The following TENM3 variants were observed in gnomAD, a reference collection of about 807,000 sequenced individuals.
TENM3 encodes teneurin-3.
TENM3 carries 63 observed loss-of-function variants against 255.1 expected under a neutral mutation model. The ratio of observed to expected loss-of-function variants is 0.25; its 90% CI spans 0.20 to 0.30. The LOEUF is 0.30. Ranked by LOEUF, TENM3 falls within the 10% of genes least tolerant of loss-of-function variation. The pLI is 1.00. For missense variants in TENM3, 2,929 were observed against 3,461.1 expected (o/e 0.85, Z 3.86); for synonymous variants, 1,306 against 1,322.3 (o/e 0.99, Z 0.27).
chr4:181,602,077 A>T, the TENM3 span, among the ~76,000 whole-genome samples: 1 of 152,294 alleles, frequency 6.6e-6, no homozygotes, highest in South Asian at 2.1e-4. Flanking sequence ...CCAGTGGACA[A>T]ATCTTTTGGA....
chr4:181,577,001 T>TAA, the TENM3 span, among the ~76,000 whole-genome samples: 1 of 131,146 alleles, frequency 7.6e-6, no homozygotes, highest in Non-Finnish European at 1.6e-5. Flanking sequence ...ATTATATATA[T>TAA]AATATATATA....
At chr4:182,485,029 A>G (rs28524745) in intron 3 of TENM3, among the ~76,000 whole-genome samples, 1,595 of 152,238 alleles carry the variant, frequency 0.01, 26 homozygotes, top group African/African-American at 0.037. Context: ...TAGTTTATTA[A>G]TAATTCAAAA....
At chr4:181,467,149 A>G in the TENM3 span, among the ~76,000 whole-genome samples, 57,118 of 81,250 alleles carry the variant, frequency 0.7, 19,377 homozygotes, top group Non-Finnish European at 0.73. Flanking sequence ...TTTTTTTTTT[A>G]GGCAGAGTCT....
rs1770662004 is a variant in TENM3, at chr4:182,419,692, GA to G, written c.511+72768del. Among the ~76,000 whole-genome samples, 4 of 152,244 alleles carry G rather than the reference GA, an allele frequency of 2.6e-5. No homozygotes were observed. In the South Asian group the frequency reaches 8.3e-4, roughly 32 times the overall value. On this transcript the variant is annotated intron_variant, in intron 3 of 27. Coordinates refer to ENST00000511685, the MANE Select transcript of TENM3 (RefSeq NM_001080477.4). ...ACACCATGGAATACTATGTAGCCAT[GA>G]AAAAGAATGAGTTCTTGTCCTTTGT...
intron 1 of TENM3, among the ~76,000 whole-genome samples, chr4:182,255,100 C>A (rs1579913789): frequency 6.6e-6 from 1 of 152,136 alleles, no homozygotes; most frequent in South Asian, 2.1e-4. Flanking sequence ...CCTAAATTTT[C>A]AGGAGTTGTA....
the TENM3 span, among the ~76,000 whole-genome samples, chr4:182,081,286 G>A: frequency 2.0e-5 from 3 of 151,960 alleles, no homozygotes; most frequent in South Asian, 2.1e-4. Context: ...TTCAAAGAAG[G>A]ATGTCTCAGG....
chr4:181,464,793 A>T, the TENM3 span, among the ~76,000 whole-genome samples: 1 of 152,144 alleles, frequency 6.6e-6, no homozygotes, highest in Non-Finnish European at 1.5e-5. Flanking sequence ...TCTACAAAAA[A>T]TACAAAAATT....
the TENM3 span, among the ~76,000 whole-genome samples, chr4:181,461,909 T>C: frequency 1.3e-5 from 2 of 150,282 alleles, no homozygotes; most frequent in Non-Finnish European, 3.0e-5. Context: ...CTTCTTGGTA[T>C]GCCTAGTAAT....
At chr4:182,764,557 A>C (rs1237038512) in intron 22 of TENM3, among the ~76,000 whole-genome samples, 1 of 152,200 alleles carries the variant, frequency 6.6e-6, no homozygotes, top group African/African-American at 2.4e-5. Context: ...TCAGTGTTGC[A>C]AGTTGTGAAT....
At chr4:182,142,737 C>G (rs988736161), upstream of TENM3, 1 of 164,708 alleles carries the variant, frequency 6.1e-6, no homozygotes, top group Non-Finnish European at 1.5e-5. Flanking sequence ...TAGCCCTCCA[C>G]GGGCAGACTG....
At chr4:181,896,975 C>A in the TENM3 span, among the ~76,000 whole-genome samples, 1 of 152,194 alleles carries the variant, frequency 6.6e-6, no homozygotes, top group Admixed American at 6.5e-5. Context: ...CTTTCAGAAA[C>A]TGAAATTCTA....
At chr4:181,671,543 G>A in the TENM3 span, among the ~76,000 whole-genome samples, 1 of 152,094 alleles carries the variant, frequency 6.6e-6, no homozygotes, top group East Asian at 1.9e-4. Context: ...AATAATACCT[G>A]CCTCACAGAG....
intron 3 of TENM3, among the ~76,000 whole-genome samples, chr4:182,552,079 G>C (rs552938327): frequency 6.6e-6 from 1 of 151,564 alleles, no homozygotes; most frequent in Non-Finnish European, 1.5e-5. Context: ...TGACAAGACT[G>C]TTCATCAGCT....
intron 1 of TENM3, among the ~76,000 whole-genome samples, chr4:182,156,982 G>A (rs1750749649): frequency 6.6e-6 from 1 of 152,148 alleles, no homozygotes; most frequent in Admixed American, 6.5e-5. Flanking sequence ...AGCCAGGAGA[G>A]GTAATAGAAG....
intron 4 of TENM3, among the ~76,000 whole-genome samples, chr4:182,625,560 G>A (rs946152166): frequency 3.9e-5 from 6 of 152,128 alleles, no homozygotes; most frequent in Non-Finnish European, 7.3e-5. Context: ...GTTGGGGACC[G>A]CTGCAGTAAA....
At chr4:181,489,390 G>GTA in the TENM3 span, among the ~76,000 whole-genome samples, 2 of 152,214 alleles carry the variant, frequency 1.3e-5, no homozygotes, top group African/African-American at 2.4e-5. Flanking sequence ...ATAGGTGTGT[G>GTA]TGTGTGTGCA....
At chr4:182,499,865 A>C (rs6829371) in intron 3 of TENM3, among the ~76,000 whole-genome samples, 84,705 of 152,004 alleles carry the variant, frequency 0.56, 24,377 homozygotes, top group African/African-American at 0.71. Flanking sequence ...TAACATTTAC[A>C]GACTATAATA....
the TENM3 span, among the ~76,000 whole-genome samples, chr4:182,052,046 A>G: frequency 6.6e-6 from 1 of 152,124 alleles, no homozygotes; most frequent in South Asian, 2.1e-4. Context: ...TCCAGCAGGT[A>G]GGGGATGCTA....
intron 4 of TENM3, among the ~76,000 whole-genome samples, chr4:182,615,028 GAA>G (rs751141011): frequency 3.4e-5 from 3 of 89,064 alleles, no homozygotes; most frequent in Admixed American, 1.4e-4. Flanking sequence ...ATGTTTCTCA[GAA>G]AAAAAAAAAA....
Sources: allele counts gnomAD v4.1 joint callset (sites outside exome capture counted in the v4.1 genomes callset), GRCh38; gene constraint gnomAD v4.1.1; transcripts MANE v1.5; gene names NCBI Gene and HGNC (gene_info 2026-07-23, HGNC 2026-07-21).